Variants in ABCA13 observed in about 807,000 individuals in gnomAD.
ABCA13 encodes the protein ATP binding cassette subfamily A member 13, also known as ATP-binding cassette sub-family A member 13.
ABCA13 carries 476 observed loss-of-function variants against 478.7 expected under a neutral mutation model. That is an observed-to-expected ratio of 0.99 (90% CI 0.92 to 1.07). The LOEUF is 1.07. ABCA13 is among the 50% of genes least tolerant of loss of function. The pLI is 0.00. For missense variants in ABCA13, 6,060 were observed against 5,910.6 expected (o/e 1.03, Z -0.83); for synonymous variants, 2,252 against 2,158.9 (o/e 1.04, Z -1.20).
rs189868809 is a variant in ABCA13, at chr7:48,183,519, G to A, written c.70-9440G>A. ...AATGAATGAGCAAGTGCTTGCAAAT[G>A]CTTCATGGTTATGCAAACGAACTAC... On this transcript the variant is annotated intron_variant, in intron 1 of 61. Transcript: ENST00000435803. Among the ~76,000 whole-genome samples the A allele has an allele frequency of 1.1e-4, 16 of 152,318 alleles. No individual in the cohort carries two copies. In the East Asian group the frequency reaches 3.1e-3, roughly 29 times the overall value.
chr7:48,633,374 A>G (rs1794315722), intron 59 of ABCA13, among the ~76,000 whole-genome samples: 1 of 152,260 alleles, frequency 6.6e-6, no homozygotes, highest in South Asian at 2.1e-4. Flanking sequence ...TTGAGGCAGA[A>G]AGCTAACAAA....
intron 41 of ABCA13, among the ~76,000 whole-genome samples, chr7:48,416,210 AG>A (rs1819958896): frequency 6.6e-6 from 1 of 150,470 alleles, no homozygotes; most frequent in Non-Finnish European, 1.5e-5. Context: ...CTACTTAGAC[AG>A]GCCTCTACAA....
intron 55 of ABCA13, among the ~76,000 whole-genome samples, chr7:48,539,070 C>CTTTT (rs1833789422): frequency 1.3e-5 from 2 of 152,168 alleles, no homozygotes; most frequent in South Asian, 4.1e-4. Context: ...AGATGATGTT[C>CTTTT]TCTTTCATCA....
chr7:48,597,214 T>C (rs1790391043), intron 58 of ABCA13, among the ~76,000 whole-genome samples: 1 of 152,204 alleles, frequency 6.6e-6, no homozygotes, highest in Non-Finnish European at 1.5e-5. Context: ...CCTCCCAAAG[T>C]GCTGGGATTA....
At chr7:48,389,371 C>T (rs969978012) in intron 37 of ABCA13, among the ~76,000 whole-genome samples, 151 bp downstream of exon 37, 1 of 152,186 alleles carries the variant, frequency 6.6e-6, no homozygotes, top group Admixed American at 6.5e-5. Context: ...GGCAGAGCCC[C>T]TCATGAGTGC....
intron 57 of ABCA13, among the ~76,000 whole-genome samples, chr7:48,589,416 T>G (rs1374858375): frequency 1.3e-5 from 2 of 152,132 alleles, no homozygotes. Flanking sequence ...CCTCTCAGTT[T>G]TATGGAAGTA....
At chr7:48,387,415 T>G (rs753336737) in intron 35 of ABCA13, among the ~76,000 whole-genome samples, 6 of 152,184 alleles carry the variant, frequency 3.9e-5, no homozygotes, top group Non-Finnish European at 7.3e-5. Flanking sequence ...TACACTTACC[T>G]CATGCTCTTC....
chr7:48,248,132 G>C (rs1791983801), intron 13 of ABCA13, 107 bp from the exon 14 acceptor site: 7 of 887,440 alleles, frequency 7.9e-6, no homozygotes, highest in Admixed American at 2.4e-5. Context: ...TTGATGTACA[G>C]TTTGAGTGGA....
rs1219155329 is a variant in ABCA13 at position 48,646,859 on chromosome 7, A to T, written c.*1347A>T. On this transcript the variant is annotated 3_prime_UTR_variant, in exon 62 of 62. Transcript: ENST00000435803. Reference sequence around the variant, plus strand: ...ATATATTTTTAAAAGCTTTGTAAAAATTATGTCATTCTCAGAATTGTTGTC... The same window carrying T: ...ATATATTTTTAAAAGCTTTGTAAAATTTATGTCATTCTCAGAATTGTTGTC... 1.3e-5 allele frequency: 2 copies of T among 152,212 alleles called. No homozygotes were observed. The highest frequency in any genetic ancestry group is 3.9e-4 in the East Asian group (2 of 5,194). 9.4% of individuals were successfully genotyped at this position (152,212 alleles called of 1,614,324 possible).
chr7:48,323,001 A>G (rs1434084709), intron 27 of ABCA13, among the ~76,000 whole-genome samples: 2 of 152,190 alleles, frequency 1.3e-5, no homozygotes, highest in South Asian at 2.1e-4. Context: ...TGATTCACCC[A>G]GGTCATTGTG....
intron 25 of ABCA13, among the ~76,000 whole-genome samples, chr7:48,313,576 A>G (rs1448138430): frequency 1.3e-5 from 2 of 152,266 alleles, no homozygotes; most frequent in Non-Finnish European, 2.9e-5. Context: ...AATTGCTTTC[A>G]AAAACCTTAA....
chr7:48,425,611 A>T (rs537069408), intron 41 of ABCA13, among the ~76,000 whole-genome samples: 62 of 152,164 alleles, frequency 4.1e-4, no homozygotes, highest in African/African-American at 1.5e-3. Flanking sequence ...TACTACACTT[A>T]CTCATCCTTA....
chr7:48,576,916 A>T (rs919044263), intron 55 of ABCA13, among the ~76,000 whole-genome samples: 10 of 152,228 alleles, frequency 6.6e-5, no homozygotes, highest in African/African-American at 2.2e-4. Flanking sequence ...ACTAGAAATA[A>T]AAAATAGAAG....
chr7:48,427,976 T>A, intron 42 of ABCA13, 105 bp downstream of exon 42: 1 of 725,486 alleles, frequency 1.4e-6, no homozygotes, highest in Non-Finnish European at 2.2e-6. Flanking sequence ...CTGAAGTTAG[T>A]GAGGAGATGT....
intron 41 of ABCA13, among the ~76,000 whole-genome samples, chr7:48,421,815 A>G (rs1435392808): frequency 6.6e-6 from 1 of 152,142 alleles, no homozygotes; most frequent in African/African-American, 2.4e-5. Flanking sequence ...TTCCAATCCA[A>G]TTACACAGCA....
chr7:48,178,114 T>C (rs1206440794), intron 1 of ABCA13, among the ~76,000 whole-genome samples: 1 of 152,236 alleles, frequency 6.6e-6, no homozygotes, highest in East Asian at 1.9e-4. Context: ...GTATCAGCAG[T>C]GCCTTTTCTT....
At position 48,249,395 on chromosome 7, in the gene ABCA13, C is replaced by T. The variant is rs756327164; in HGVS notation, c.2005+44C>T. 4 of 1,603,612 alleles carry T rather than the reference C, an allele frequency of 2.5e-6. No homozygotes were observed. In the Admixed American group the frequency reaches 5.1e-5, roughly 21 times the overall value. On this transcript the variant is annotated intron_variant, in intron 15 of 61. Coordinates refer to ENST00000435803, the MANE Select transcript of ABCA13 (RefSeq NM_152701.5). ...CTACAGGAATGGGGGATGCTTTCCCCTTTTAGTGAGGTGACATAATTTCCT... is the reference window on the plus strand; with the variant it reads ...CTACAGGAATGGGGGATGCTTTCCCTTTTTAGTGAGGTGACATAATTTCCT...
intron 41 of ABCA13, among the ~76,000 whole-genome samples, chr7:48,415,975 C>T (rs1038856342): frequency 1.3e-4 from 20 of 152,256 alleles, no homozygotes; most frequent in Admixed American, 1.3e-4. Flanking sequence ...CTCCCTTCCT[C>T]CTTCCTGCCT....
intron 19 of ABCA13, among the ~76,000 whole-genome samples, chr7:48,286,302 C>T (rs1797728944): frequency 6.6e-6 from 1 of 152,162 alleles, no homozygotes; most frequent in Admixed American, 6.6e-5. Context: ...GTTTTACTGC[C>T]TGAAAAATCC....
Sources: allele counts gnomAD v4.1 joint callset (sites outside exome capture counted in the v4.1 genomes callset), GRCh38; gene constraint gnomAD v4.1.1; transcripts MANE v1.5; gene names NCBI Gene and HGNC (gene_info 2026-07-23, HGNC 2026-07-21).